The following KLF12 variants were observed in gnomAD, a reference collection of about 807,000 sequenced individuals.
The protein encoded by KLF12 is Krueppel-like factor 12.
Under a neutral mutation model 37.8 loss-of-function variants are expected in KLF12, and 9 were observed. The observed-to-expected ratio is 0.24, with a 90% CI of 0.14 to 0.42. KLF12 has a LOEUF of 0.42. Among genes scored for constraint, KLF12 ranks in the 10% least tolerant of loss-of-function variants. The pLI is 1.00. For missense variants in KLF12, 411 were observed against 516.0 expected (o/e 0.80, Z 1.97); for synonymous variants, 208 against 202.1 (o/e 1.03, Z -0.25).
At chr13:74,126,704 C>T (rs902092773) in intron 1 of KLF12, among the ~76,000 whole-genome samples, 8 of 152,056 alleles carry the variant, frequency 5.3e-5, no homozygotes, top group African/African-American at 1.7e-4. Context: ...AGTTCTGTAG[C>T]AGGTGGGGGT....
At chr13:74,144,127 C>T in the KLF12 span, among the ~76,000 whole-genome samples, 1 of 152,284 alleles carries the variant, frequency 6.6e-6, no homozygotes, top group South Asian at 2.1e-4. Context: ...AGAAAACTGC[C>T]TAGCATGTAG....
intron 5 of KLF12, among the ~76,000 whole-genome samples, chr13:73,793,979 C>T (rs1204900825): frequency 2.6e-5 from 4 of 152,162 alleles, no homozygotes; most frequent in African/African-American, 9.7e-5. Flanking sequence ...TAACTCATTC[C>T]ATCACAGATT....
the KLF12 span, among the ~76,000 whole-genome samples, chr13:74,294,296 G>A: frequency 9.9e-4 from 150 of 152,160 alleles, no homozygotes; most frequent in Middle Eastern, 0.01. Flanking sequence ...CATGTACATC[G>A]GACCCATTAA....
At chr13:74,107,778 G>A (rs754784733) in intron 1 of KLF12, among the ~76,000 whole-genome samples, 2 of 152,148 alleles carry the variant, frequency 1.3e-5, no homozygotes, top group Non-Finnish European at 2.9e-5. Flanking sequence ...ACCTCAACTG[G>A]GTCAGAGCAG....
chr13:74,249,522 T>G, the KLF12 span, among the ~76,000 whole-genome samples: 1 of 152,070 alleles, frequency 6.6e-6, no homozygotes, highest in South Asian at 2.1e-4. Context: ...GGGTTCAGGA[T>G]GGATTGAGAT....
chr13:74,229,622 GT>G, the KLF12 span, among the ~76,000 whole-genome samples: 1 of 152,186 alleles, frequency 6.6e-6, no homozygotes, highest in African/African-American at 2.4e-5. Context: ...CACTTGGAAA[GT>G]TATCTAAAAT....
intron 3 of KLF12, among the ~76,000 whole-genome samples, chr13:73,916,272 TA>T (rs1475585256): frequency 1.3e-5 from 2 of 151,430 alleles, no homozygotes; most frequent in East Asian, 3.9e-4. Flanking sequence ...CACACAGCTT[TA>T]AAGTGTTAAT....
At chr13:73,764,659 C>T (rs1051669942) in intron 6 of KLF12, among the ~76,000 whole-genome samples, 6 of 152,034 alleles carry the variant, frequency 3.9e-5, no homozygotes, top group African/African-American at 1.4e-4. Flanking sequence ...GGAAAACATT[C>T]TTTAAAATAG....
At chr13:74,230,355 C>A in the KLF12 span, among the ~76,000 whole-genome samples, 1 of 152,182 alleles carries the variant, frequency 6.6e-6, no homozygotes, top group Non-Finnish European at 1.5e-5. Flanking sequence ...TTACAAACTA[C>A]CCAGTCTTGG....
intron 1 of KLF12, among the ~76,000 whole-genome samples, chr13:74,108,610 C>T (rs540809408): frequency 5.0e-4 from 76 of 152,146 alleles, no homozygotes; most frequent in Non-Finnish European, 1.1e-3. Flanking sequence ...TGACTATTGA[C>T]CTAAGCCTTA....
chr13:73,831,329 C>T (rs1340310013), intron 4 of KLF12, among the ~76,000 whole-genome samples: 1 of 152,052 alleles, frequency 6.6e-6, no homozygotes, highest in Non-Finnish European at 1.5e-5. Context: ...TTGCAAAACA[C>T]TGACAATAAT....
At chr13:73,903,298 A>C (rs561097908) in intron 3 of KLF12, among the ~76,000 whole-genome samples, 127 of 152,284 alleles carry the variant, frequency 8.3e-4, no homozygotes, top group Non-Finnish European at 1.5e-3. Context: ...GATGGGCAAT[A>C]AACACTAAAA....
At chr13:74,231,059 A>G in the KLF12 span, among the ~76,000 whole-genome samples, 3 of 150,982 alleles carry the variant, frequency 2.0e-5, no homozygotes, top group East Asian at 1.9e-4. Flanking sequence ...GCCTGAAATG[A>G]TACAGTAGTG....
At chr13:74,281,040 A>G in the KLF12 span, among the ~76,000 whole-genome samples, 1 of 152,064 alleles carries the variant, frequency 6.6e-6, no homozygotes, top group Admixed American at 6.6e-5. Flanking sequence ...TCCTAGACTT[A>G]TAACTCCCAT....
At chr13:74,284,303 A>C in the KLF12 span, among the ~76,000 whole-genome samples, 2 of 152,176 alleles carry the variant, frequency 1.3e-5, no homozygotes, top group Non-Finnish European at 2.9e-5. Context: ...GCTGAATGCC[A>C]GGTGAAAAAT....
the KLF12 span, among the ~76,000 whole-genome samples, chr13:74,252,977 G>GTCTATCTATCTATCTA: frequency 6.8e-6 from 1 of 147,208 alleles, no homozygotes; most frequent in Non-Finnish European, 1.5e-5. Flanking sequence ...TCTGTCATCT[G>GTCTATCTATCTATCTA]TCTATCTATC....
chr13:73,847,539 A>G (rs978349964), intron 3 of KLF12, among the ~76,000 whole-genome samples: 3 of 152,148 alleles, frequency 2.0e-5, no homozygotes, highest in African/African-American at 7.2e-5. Context: ...AACATACAAT[A>G]GGCAGTAGCA....
At chr13:74,057,369 G>A (rs566397825) in intron 1 of KLF12, among the ~76,000 whole-genome samples, 4 of 152,264 alleles carry the variant, frequency 2.6e-5, no homozygotes, top group South Asian at 2.1e-4. Flanking sequence ...CCCAGGGACC[G>A]AGAGGGAACT....
intron 3 of KLF12, among the ~76,000 whole-genome samples, chr13:73,902,045 T>C (rs779824125): frequency 3.3e-5 from 5 of 152,232 alleles, no homozygotes; most frequent in Non-Finnish European, 5.9e-5. Flanking sequence ...CTGATTCACC[T>C]ATAATGCTTA....
Sources: allele counts gnomAD v4.1 joint callset (sites outside exome capture counted in the v4.1 genomes callset), GRCh38; gene constraint gnomAD v4.1.1; transcripts MANE v1.5; gene names NCBI Gene and HGNC (gene_info 2026-07-23, HGNC 2026-07-21).